Variants in EDAR observed in about 807,000 individuals in gnomAD.
The protein encoded by EDAR is tumor necrosis factor receptor superfamily member EDAR.
EDAR carries 38 observed loss-of-function variants against 51.3 expected under a neutral mutation model. The observed-to-expected ratio is 0.74, with a 90% confidence interval of 0.57 to 0.97. The LOEUF (loss-of-function observed/expected upper bound fraction) is 0.97. EDAR is among the 50% of genes least tolerant of loss of function. The probability of loss-of-function intolerance (pLI) is 0.00; values close to 1 mark genes in which losing one functional copy is unlikely to be tolerated. For synonymous variants in EDAR, 227 were observed against 242.1 expected, an observed-to-expected ratio of 0.94 and a Z score of 0.58; for missense variants, 528 against 595.0, an observed-to-expected ratio of 0.89 and a Z score of 1.17.
chr2:108,986,390 G>A (rs1698501173), intron 1 of EDAR, among the ~76,000 whole-genome samples: 2 of 152,094 alleles, frequency 1.3e-5, no homozygotes, highest in Admixed American at 1.3e-4. Flanking sequence ...GAGGGGGAGT[G>A]TTTGCTTACT....
At chr2:108,962,547 C>T (rs1435225158) in intron 1 of EDAR, among the ~76,000 whole-genome samples, 6 of 151,586 alleles carry the variant, frequency 4.0e-5, no homozygotes, top group Non-Finnish European at 5.9e-5. Context: ...TGGTGGCGGG[C>T]GCCTGTAGTC....
intron 1 of EDAR, among the ~76,000 whole-genome samples, chr2:108,973,190 G>A (rs769035390): frequency 2.0e-5 from 3 of 152,222 alleles, no homozygotes; most frequent in Non-Finnish European, 2.9e-5. Context: ...GTTTCACCAT[G>A]TTGGCCAGGC....
intron 1 of EDAR, among the ~76,000 whole-genome samples, chr2:108,959,394 T>C (rs1697992076): frequency 6.6e-6 from 1 of 152,226 alleles, no homozygotes; most frequent in African/African-American, 2.4e-5. Context: ...GTGTCTGTAA[T>C]GCAGGGGACG....
chr2:108,953,563 A>C (rs1343872949), intron 1 of EDAR, among the ~76,000 whole-genome samples: 1 of 152,106 alleles, frequency 6.6e-6, no homozygotes, highest in Non-Finnish European at 1.5e-5. Context: ...ACCTGATGAC[A>C]GTTGCAGTTA....
chr2:108,948,987 C>A (rs1355033601), intron 1 of EDAR, among the ~76,000 whole-genome samples: 1 of 152,092 alleles, frequency 6.6e-6, no homozygotes, highest in Non-Finnish European at 1.5e-5. Context: ...AAAACACATA[C>A]ATGTTTTTAG....
At chr2:108,972,798 C>A (rs771720358) in intron 1 of EDAR, among the ~76,000 whole-genome samples, 1 of 152,166 alleles carries the variant, frequency 6.6e-6, no homozygotes, top group Non-Finnish European at 1.5e-5. Context: ...GGGGGGCCTC[C>A]GGCAGGGGCG....
chr2:108,907,202 CGTT>C (rs1696823266), intron 10 of EDAR, among the ~76,000 whole-genome samples: 1 of 152,128 alleles, frequency 6.6e-6, no homozygotes, highest in South Asian at 2.1e-4. Flanking sequence ...AGAAGAAAAA[CGTT>C]GTGTGTGTGT....
intron 5 of EDAR, among the ~76,000 whole-genome samples, chr2:108,918,347 C>T (rs1458839544): frequency 4.6e-5 from 7 of 152,194 alleles, no homozygotes; most frequent in Non-Finnish European, 1.0e-4. Flanking sequence ...GGTTTCACCC[C>T]GGTCCACTGT....
intron 5 of EDAR, among the ~76,000 whole-genome samples, chr2:108,917,046 T>C (rs536004895): frequency 1.3e-5 from 2 of 152,334 alleles, no homozygotes; most frequent in African/African-American, 4.8e-5. Context: ...GGAATGGAGC[T>C]GCCTTTTCAG....
intron 1 of EDAR, among the ~76,000 whole-genome samples, chr2:108,935,079 G>C (rs559680979): frequency 5.3e-5 from 8 of 152,190 alleles, no homozygotes; most frequent in African/African-American, 1.9e-4. Flanking sequence ...ATAAGAGACC[G>C]CATGACCAGG....
At chr2:108,923,530 G>A (rs1225999717) in intron 4 of EDAR, 77 bp from the exon 5 acceptor site, 6 of 1,384,350 alleles carry the variant, frequency 4.3e-6, no homozygotes, top group Non-Finnish European at 5.1e-6. Flanking sequence ...CAGAGAGCAC[G>A]GTGGCCAGTC....
intron 1 of EDAR, among the ~76,000 whole-genome samples, chr2:108,942,874 T>TTTG (rs1558823374): frequency 2.6e-5 from 4 of 152,138 alleles, no homozygotes; most frequent in Non-Finnish European, 5.9e-5. Flanking sequence ...CGGGTAGGAT[T>TTTG]TTTGTTTGTT....
intron 1 of EDAR, among the ~76,000 whole-genome samples, chr2:108,985,075 T>C (rs1698475147): frequency 6.6e-6 from 1 of 152,232 alleles, no homozygotes; most frequent in Non-Finnish European, 1.5e-5. Context: ...CCTAAGAAAG[T>C]GCTTTCTCTC....
At chr2:108,908,987 G>A (rs530701911) in intron 9 of EDAR, among the ~76,000 whole-genome samples, 7 of 152,260 alleles carry the variant, frequency 4.6e-5, no homozygotes, top group Non-Finnish European at 8.8e-5. Context: ...GAGAGAAGGT[G>A]AGGTGGAGCA....
chr2:108,950,555 A>G (rs1230185609), intron 1 of EDAR, among the ~76,000 whole-genome samples: 1 of 152,238 alleles, frequency 6.6e-6, no homozygotes, highest in Non-Finnish European at 1.5e-5. Flanking sequence ...ATATTCTGAC[A>G]TGATGTAGCT....
intron 1 of EDAR, among the ~76,000 whole-genome samples, chr2:108,943,205 A>G (rs1697642878): frequency 6.6e-6 from 1 of 152,210 alleles, no homozygotes; most frequent in African/African-American, 2.4e-5. Flanking sequence ...TTTCAAGTAC[A>G]GTAACGGGAA....
Position 108,897,337 on chromosome 2 carries a change from T to G in EDAR, c.1025-108A>C, listed in dbSNP as rs917417341. The G allele has an allele frequency of 3.6e-6, 4 of 1,105,304 alleles. No individual in the cohort carries two copies. In the African/African-American group the frequency reaches 6.2e-5, roughly 17 times the overall value. The allele number at this position is 1,105,304 out of a possible 1,614,324, so 68.5% of individuals were successfully genotyped here. On this transcript the variant is annotated intron_variant, in intron 11 of 11. Coordinates refer to ENST00000258443, the MANE Select transcript of EDAR (RefSeq NM_022336.4). ...AAAAATTATTTGAAAAAAATTTTTT[T>G]AAAATTATAAAACATGCAGAAAGCC...
intron 1 of EDAR, among the ~76,000 whole-genome samples, chr2:108,971,992 C>T (rs1358979254): frequency 6.6e-6 from 1 of 152,168 alleles, no homozygotes; most frequent in East Asian, 1.9e-4. Context: ...GAGCTGAGGC[C>T]TCCTGCCGCA....
intron 1 of EDAR, among the ~76,000 whole-genome samples, chr2:108,987,357 G>A (rs539774246): frequency 2.3e-4 from 35 of 152,300 alleles, no homozygotes; most frequent in African/African-American, 8.2e-4. Flanking sequence ...TTTGCGCTCC[G>A]TGAGATGGGG....
Sources: gnomAD v4.1 joint callset for allele counts (sites outside exome capture counted in the v4.1 genomes callset) on GRCh38, gnomAD v4.1.1 for gene constraint, MANE v1.5 for transcripts, NCBI Gene and HGNC (gene_info 2026-07-23, HGNC 2026-07-21) for gene names.